Variants in ZDHHC11 observed in about 807,000 individuals in gnomAD.
The protein encoded by ZDHHC11 is palmitoyltransferase ZDHHC11.
A neutral mutation model predicts 51.3 loss-of-function variants in ZDHHC11; 44 were observed. The ratio of observed to expected loss-of-function variants is 0.86; its 90% CI spans 0.67 to 1.10. The LOEUF (loss-of-function observed/expected upper bound fraction) is 1.10, where lower values mean the gene tolerates loss of function less well. Among genes scored for constraint, ZDHHC11 ranks in the 50% least tolerant of loss-of-function variants. The pLI, the probability that ZDHHC11 is intolerant of heterozygous loss-of-function variation, is 0.00. For missense variants in ZDHHC11, 400 were observed against 537.7 expected (o/e 0.74, Z 2.53); for synonymous variants, 163 against 222.0 (o/e 0.73, Z 2.36).
In ZDHHC11 at chr5:843,699, C is replaced by G. The variant is rs1745480325; in HGVS notation, c.529G>C (p.Ala177Pro). Residue 177 changes from alanine to proline, a missense_variant, in exon 4 of 13, where the codon GCC (alanine) becomes CCC (proline). By Grantham distance (27) the Ala-to-Pro change is conservative. Transcript: ENST00000283441. ...YWFFFSTVAS[A>P]TAGMLCLIAI... ...ATCAGGCAGAGCATGCCAGCTGTGGCCGAGGCCACAGTGCTGAAGAAGAAC... is the reference window on the plus strand; with the variant it reads ...ATCAGGCAGAGCATGCCAGCTGTGGGCGAGGCCACAGTGCTGAAGAAGAAC... 1 of 1,602,318 alleles carries G rather than the reference C, an allele frequency of 6.2e-7. No homozygotes were observed. Among genetic ancestry groups the G allele is most frequent in the African/African-American group, 1.4e-5 (1 of 72,378 alleles).
chr5:806,951 C>T (rs1739348171), intron 11 of ZDHHC11, among the ~76,000 whole-genome samples: 1 of 151,128 alleles, frequency 6.6e-6, no homozygotes, highest in South Asian at 2.1e-4. Context: ...TCTCTGAGAG[C>T]TGGACATTCT....
At chr5:819,426 C>T (rs1355284136) in intron 10 of ZDHHC11, 99 bp downstream of exon 10, 1 of 1,309,518 alleles carries the variant, frequency 7.6e-7, no homozygotes. Flanking sequence ...AGAGTGCTTC[C>T]CTTTTGAATA....
chr5:814,682 G>C (rs1740533002), intron 11 of ZDHHC11, 79 bp downstream of exon 11: 5 of 1,368,284 alleles, frequency 3.7e-6, no homozygotes, highest in East Asian at 5.0e-5. Context: ...GTTAAATAGA[G>C]AACATATTTT....
At chr5:857,969 C>A (rs1748500988) in intron 1 of ZDHHC11, among the ~76,000 whole-genome samples, 2 of 148,432 alleles carry the variant, frequency 1.3e-5, no homozygotes, top group Admixed American at 1.3e-4. Flanking sequence ...TGTCCTGGTC[C>A]CCGTCCTATC....
chr5:837,749 C>T (rs1744108935), intron 5 of ZDHHC11, among the ~76,000 whole-genome samples: 1 of 151,926 alleles, frequency 6.6e-6, no homozygotes. Flanking sequence ...CCTGCCACGG[C>T]CTCATTGAGC....
chr5:816,396 G>A, intron 10 of ZDHHC11: 1 of 415,836 alleles, frequency 2.4e-6, no homozygotes, highest in South Asian at 1.8e-5. Context: ...GCAGGCGGTG[G>A]TGGGGTTGGC....
chr5:804,791 C>T (rs1019636586), intron 11 of ZDHHC11, among the ~76,000 whole-genome samples: 1 of 151,172 alleles, frequency 6.6e-6, no homozygotes, highest in Non-Finnish European at 1.5e-5. Flanking sequence ...ATAACTAAGG[C>T]ATTCTCACAT....
intron 6 of ZDHHC11, among the ~76,000 whole-genome samples, chr5:836,413 C>T (rs991295547): frequency 6.7e-6 from 1 of 150,330 alleles, no homozygotes; most frequent in African/African-American, 2.5e-5. Context: ...ATTTGGTTTC[C>T]CAAGGTCTTA....
intron 9 of ZDHHC11, among the ~76,000 whole-genome samples, chr5:820,593 G>A (rs1232062530): frequency 1.3e-5 from 2 of 151,138 alleles, no homozygotes; most frequent in East Asian, 1.9e-4. Context: ...AAGGGGGGCT[G>A]CACTCCACTT....
At chr5:856,657 AC>A (rs1191729206) in intron 1 of ZDHHC11, among the ~76,000 whole-genome samples, 1 of 151,536 alleles carries the variant, frequency 6.6e-6, no homozygotes, top group African/African-American at 2.4e-5. Flanking sequence ...CACACACTGC[AC>A]GTGCACCACG....
upstream of ZDHHC11, among the ~76,000 whole-genome samples, chr5:853,902 C>T (rs1220244005): frequency 6.8e-6 from 1 of 147,740 alleles, no homozygotes; most frequent in African/African-American, 2.5e-5. Context: ...GCCAGGGGGA[C>T]AGACCCCACA....
chr5:840,349 T>C, intron 5 of ZDHHC11, 146 bp downstream of exon 5: 1 of 1,115,556 alleles, frequency 9.0e-7, no homozygotes, highest in Non-Finnish European at 1.3e-6. Flanking sequence ...AGGCTGACCC[T>C]GAACACATGC....
Position 845,321 on chromosome 5 carries a change from C to T in ZDHHC11, c.504-1597G>A, listed in dbSNP as rs564894959. ...GGGAGTAAAGACCCCTCATCTTCAT[C>T]CTACTGTCTGGACAGGACTCCCCTC... On this transcript the variant is annotated intron_variant, in intron 3 of 12. Coordinates refer to ENST00000283441, the MANE Select transcript of ZDHHC11 (RefSeq NM_024786.3). Among the ~76,000 whole-genome samples the T allele has an allele frequency of 3.3e-5, 5 of 152,416 alleles. No homozygotes were observed. The South Asian group carries it at 1.0e-3, about 32-fold the overall frequency.
At chr5:844,268 C>A (rs57831255) in intron 3 of ZDHHC11, among the ~76,000 whole-genome samples, 3,297 of 133,746 alleles carry the variant, frequency 0.025, 1 homozygote, top group East Asian at 0.067. Flanking sequence ...CAGCACACCG[C>A]CCGACAATTC....
At chr5:854,223 T>A (rs1163462062), upstream of ZDHHC11, among the ~76,000 whole-genome samples, 4 of 84,956 alleles carry the variant, frequency 4.7e-5, no homozygotes, top group East Asian at 3.6e-4. Flanking sequence ...AGCCAGGGGG[T>A]CAGACTGCCC....
At chr5:831,885 C>A (rs1377479607) in intron 7 of ZDHHC11, among the ~76,000 whole-genome samples, 2 of 146,170 alleles carry the variant, frequency 1.4e-5, no homozygotes, top group South Asian at 4.4e-4. Flanking sequence ...AAAAACAGTA[C>A]GGAGATTCTG....
In ZDHHC11 at chr5:823,804, A is replaced by G. The variant is rs550237065; in HGVS notation, c.1023+1360T>C. On this transcript the variant is annotated intron_variant, in intron 8 of 12. Transcript: ENST00000283441. Reference sequence around the variant, plus strand: ...GCAGAGACACTGAGGGGACTCACAAATGCACCTGTGCAGAAGGTGTCAACG... The same window carrying G: ...GCAGAGACACTGAGGGGACTCACAAGTGCACCTGTGCAGAAGGTGTCAACG... 3.8e-5 allele frequency: 12 copies of G among 313,936 alleles called. No individual in the cohort carries two copies. The East Asian group carries it at 8.5e-4, about 22-fold the overall frequency. The allele number at this position is 313,936 out of a possible 1,614,324, so 19.4% of individuals were successfully genotyped here.
chr5:798,959 G>A (rs1738010465), intron 12 of ZDHHC11, among the ~76,000 whole-genome samples: 1 of 152,102 alleles, frequency 6.6e-6, no homozygotes, highest in South Asian at 2.1e-4. Flanking sequence ...GCTGTGGTTG[G>A]CTGAGTTTGG....
chr5:858,391 C>T lies in ZDHHC11; in HGVS notation c.-1+483G>A, dbSNP rs1748585800. ...GACACCGTGGTCCCCCAAGTCTGTC[C>T]AGGTCCCCGTCCTGTCTTTATGACA... On this transcript the variant is annotated intron_variant, in intron 1 of 3. Coordinates refer to the ZDHHC11 transcript ENST00000685990. 2.3e-5 allele frequency among the ~76,000 whole-genome samples: 3 copies of T among 132,876 alleles called. No homozygotes were observed. In the Admixed American group the frequency reaches 2.5e-4, roughly 11 times the overall value. The allele number at this position is 132,876 out of a possible 152,430, so 87.2% of individuals were successfully genotyped here.
Sources: allele counts gnomAD v4.1 joint callset (sites outside exome capture counted in the v4.1 genomes callset), GRCh38; gene constraint gnomAD v4.1.1; transcripts MANE v1.5; gene names NCBI Gene and HGNC (gene_info 2026-07-23, HGNC 2026-07-21).